DPH6: variants seen among roughly 807,000 people sequenced by gnomAD.
The protein encoded by DPH6 is diphthine--ammonia ligase.
DPH6 carries 33 observed loss-of-function variants against 38.2 expected under a neutral mutation model. That is an observed-to-expected ratio of 0.86 (90% CI 0.65 to 1.15). The LOEUF is 1.15. Among genes scored for constraint, DPH6 ranks in the 50% most tolerant of loss-of-function variants. DPH6 has a pLI of 0.00. For missense variants in DPH6, 325 were observed against 320.0 expected, an observed-to-expected ratio of 1.02 and a Z score of -0.12; for synonymous variants, 108 against 103.0, an observed-to-expected ratio of 1.05 and a Z score of -0.30.
chr15:35,174,246 T>C, the DPH6 span, among the ~76,000 whole-genome samples: 1 of 15,112 alleles, frequency 6.6e-5, no homozygotes, highest in East Asian at 4.2e-4. Flanking sequence ...TCATTATAAT[T>C]TTTTTTGAAG....
chr15:35,344,072 T>G (rs751061458), intron 3 of DPH6, among the ~76,000 whole-genome samples: 10 of 152,050 alleles, frequency 6.6e-5, no homozygotes, highest in Non-Finnish European at 1.2e-4. Flanking sequence ...AACTTGTAAT[T>G]AAACCTGAAG....
chr15:35,199,153 T>C, the DPH6 span, among the ~76,000 whole-genome samples: 1 of 152,172 alleles, frequency 6.6e-6, no homozygotes, highest in Admixed American at 6.5e-5. Flanking sequence ...CCTCAGGTGA[T>C]CCACCCACTT....
chr15:35,394,240 A>C (rs1008435968), intron 6 of DPH6, among the ~76,000 whole-genome samples: 4 of 152,150 alleles, frequency 2.6e-5, no homozygotes, highest in Non-Finnish European at 5.9e-5. Flanking sequence ...CTACTAATTA[A>C]AGACTATTTG....
At position 35,507,640 on chromosome 15, in the gene DPH6, G is replaced by C. The variant is rs1279065077; in HGVS notation, c.312+30634C>G. Among the ~76,000 whole-genome samples the C allele has an allele frequency of 3.3e-5, 5 of 152,112 alleles. 1 individual carries two copies. The South Asian group carries it at 1.0e-3, about 32-fold the overall frequency. On this transcript the variant is annotated intron_variant, in intron 3 of 8. Coordinates refer to ENST00000256538, the MANE Select transcript of DPH6 (RefSeq NM_080650.4). Reference sequence around the variant, plus strand: ...TTATCTGTTAATACAGTACAATTCTGAACTGCCTAAATTAATTTGCTACTA... The same window carrying C: ...TTATCTGTTAATACAGTACAATTCTCAACTGCCTAAATTAATTTGCTACTA...
intron 3 of DPH6, among the ~76,000 whole-genome samples, chr15:35,319,325 G>A (rs967980691): frequency 2.0e-5 from 3 of 151,946 alleles, no homozygotes; most frequent in Non-Finnish European, 4.4e-5. Context: ...TGAAAAAAAA[G>A]CATTAAAAAA....
At chr15:35,396,085 T>C (rs1350123328) in intron 6 of DPH6, 1 of 152,204 alleles carries the variant, frequency 6.6e-6, no homozygotes, top group East Asian at 1.9e-4. Flanking sequence ...CTACTGCCAG[T>C]TACGCTACTT....
intron 3 of DPH6, among the ~76,000 whole-genome samples, chr15:35,474,631 A>T (rs967124016): frequency 3.9e-5 from 6 of 152,190 alleles, no homozygotes; most frequent in African/African-American, 1.4e-4. Flanking sequence ...GACCAACAGC[A>T]TGTCTTTCAA....
intron 3 of DPH6, among the ~76,000 whole-genome samples, chr15:35,534,510 AC>A (rs1414421959): frequency 1.3e-5 from 2 of 152,154 alleles, no homozygotes; most frequent in African/African-American, 4.8e-5. Context: ...TTATTAAAAA[AC>A]AATGGACAAA....
rs2052707832 is a variant in DPH6 at position 35,371,102 on chromosome 15, A to C, written c.*1048T>G. 6.6e-6 allele frequency: 1 copy of C among 151,810 alleles called. No homozygotes were observed. The highest frequency in any genetic ancestry group is 2.4e-5 in the African/African-American group (1 of 41,410). The allele number at this position is 151,810 out of a possible 1,614,324, so 9.4% of individuals were successfully genotyped here. ...GCCAATCTGAAAAGCTATATACTGC[A>C]TGAAAAGCTATATACTGTATGATTT... On this transcript the variant is annotated 3_prime_UTR_variant, in exon 9 of 9. Transcript: ENST00000256538.
At chr15:35,378,621 A>T (rs1468764003) in intron 7 of DPH6, among the ~76,000 whole-genome samples, 1 of 152,228 alleles carries the variant, frequency 6.6e-6, no homozygotes, top group Non-Finnish European at 1.5e-5. Context: ...TGTGGCACAT[A>T]TACATCATGG....
At position 35,520,677 on chromosome 15, in the gene DPH6, C is replaced by A. The variant is rs1316129820; in HGVS notation, c.312+17597G>T. On this transcript the variant is annotated intron_variant, in intron 3 of 8. Coordinates refer to ENST00000256538, the MANE Select transcript of DPH6 (RefSeq NM_080650.4). ...CATTTTGGTAATTTGAAAATAATATCCTGAATTGCTGAACCTCTGTAGAAA... is the reference window on the plus strand; with the variant it reads ...CATTTTGGTAATTTGAAAATAATATACTGAATTGCTGAACCTCTGTAGAAA... 6 of 984,708 alleles carry A rather than the reference C, an allele frequency of 6.1e-6. No individual in the cohort carries two copies. In the African/African-American group the frequency reaches 8.8e-5, roughly 14 times the overall value. The allele number at this position is 984,708 out of a possible 1,614,324, so 61.0% of individuals were successfully genotyped here. A position where few individuals can be genotyped will look rare whatever the true frequency, so the allele number is the denominator to read the frequency against.
intron 6 of DPH6, among the ~76,000 whole-genome samples, chr15:35,393,954 G>A (rs1329765927): frequency 6.6e-6 from 1 of 152,176 alleles, no homozygotes; most frequent in Non-Finnish European, 1.5e-5. Context: ...GGAGAGTCCA[G>A]AGGCCTTATC....
At chr15:35,278,324 G>T (rs1303812126) in intron 3 of DPH6, among the ~76,000 whole-genome samples, 1 of 152,244 alleles carries the variant, frequency 6.6e-6, no homozygotes, top group Admixed American at 6.5e-5. Context: ...GTAATCCTTG[G>T]CAGCTTTCAT....
chr15:35,492,449 A>G (rs979308684), intron 3 of DPH6, among the ~76,000 whole-genome samples: 2 of 152,192 alleles, frequency 1.3e-5, no homozygotes, highest in African/African-American at 4.8e-5. Context: ...TGAAAACTAT[A>G]TATCATATAA....
the DPH6 span, among the ~76,000 whole-genome samples, chr15:35,186,478 C>T: frequency 6.6e-6 from 1 of 152,138 alleles, no homozygotes; most frequent in Non-Finnish European, 1.5e-5. Flanking sequence ...CACATAAGTA[C>T]CCCTCAGCTC....
chr15:35,303,791 CT>C (rs201831412), intron 3 of DPH6, among the ~76,000 whole-genome samples: 5 of 148,580 alleles, frequency 3.4e-5, no homozygotes, highest in Admixed American at 6.7e-5. Context: ...CTTTTTTCCC[CT>C]TTTTTTTTAA....
chr15:35,171,851 A>T, the DPH6 span, among the ~76,000 whole-genome samples: 1 of 150,596 alleles, frequency 6.6e-6, no homozygotes, highest in Non-Finnish European at 1.5e-5. Context: ...ATTTTATAAT[A>T]TATATATATT....
chr15:35,251,218 T>G lies in DPH6; in HGVS notation n.201-30636A>C, dbSNP rs922430909. ...AATTTTTAAGTAATTTCAATTTTTA[T>G]TTTAGATTCAGGGGATACAAGTGCA... On this transcript the variant is annotated intron_variant and non_coding_transcript_variant, in intron 3 of 3. Transcript: ENST00000560386. Among the ~76,000 whole-genome samples the G allele has an allele frequency of 2.0e-5, 3 of 152,196 alleles. No individual in the cohort carries two copies. In the East Asian group the frequency reaches 5.8e-4, roughly 29 times the overall value.
chr15:35,293,776 T>A (rs1336599775), intron 3 of DPH6, among the ~76,000 whole-genome samples: 2 of 152,210 alleles, frequency 1.3e-5, no homozygotes, highest in African/African-American at 4.8e-5. Context: ...GTGAAAGGAA[T>A]GTAATGGTGT....
Sources: gnomAD v4.1 joint callset for allele counts (sites outside exome capture counted in the v4.1 genomes callset) on GRCh38, gnomAD v4.1.1 for gene constraint, MANE v1.5 for transcripts, NCBI Gene and HGNC (gene_info 2026-07-23, HGNC 2026-07-21) for gene names.